Variants in CTNND2 observed in about 807,000 individuals in gnomAD.
CTNND2 encodes catenin delta 2, also known as catenin delta-2.
CTNND2 carries 22 observed loss-of-function variants against 144.4 expected under a neutral mutation model. That is an observed-to-expected ratio of 0.15 (90% CI 0.11 to 0.22). The LOEUF is 0.22. CTNND2 is among the 10% of genes least tolerant of loss of function. The pLI is 1.00. For missense variants in CTNND2, 1,353 were observed against 1,618.8 expected (o/e 0.84, Z 2.82); for synonymous variants, 751 against 695.6 (o/e 1.08, Z -1.25).
intron 1 of CTNND2, among the ~76,000 whole-genome samples, chr5:11,848,909 T>C (rs1794881549): frequency 1.3e-5 from 2 of 152,256 alleles, no homozygotes; most frequent in African/African-American, 2.4e-5. Context: ...ATTCTTCCTA[T>C]GGTTGCTCAA....
At chr5:11,524,947 A>G (rs542509225) in intron 3 of CTNND2, among the ~76,000 whole-genome samples, 1 of 152,298 alleles carries the variant, frequency 6.6e-6, no homozygotes, top group East Asian at 1.9e-4. Flanking sequence ...TCCATAGCTT[A>G]CTCACAATTC....
At chr5:11,613,731 G>A (rs1780447004) in intron 2 of CTNND2, among the ~76,000 whole-genome samples, 1 of 152,142 alleles carries the variant, frequency 6.6e-6, no homozygotes, top group African/African-American at 2.4e-5. Context: ...TTTCTTACCA[G>A]CTCTCTTACT....
At chr5:11,343,774 G>A (rs1754492447) in intron 9 of CTNND2, among the ~76,000 whole-genome samples, 1 of 152,064 alleles carries the variant, frequency 6.6e-6, no homozygotes, top group Non-Finnish European at 1.5e-5. Flanking sequence ...ATGTAAGTAA[G>A]CCTACTTTGA....
intron 1 of CTNND2, among the ~76,000 whole-genome samples, chr5:11,771,192 C>T (rs541785462): frequency 1.4e-4 from 15 of 103,758 alleles, no homozygotes; most frequent in Admixed American, 6.6e-4. Context: ...ACATTGTTAG[C>T]TTTTTTTTTT....
At chr5:11,794,608 T>C (rs1221800800) in intron 1 of CTNND2, among the ~76,000 whole-genome samples, 1 of 152,224 alleles carries the variant, frequency 6.6e-6, no homozygotes, top group African/African-American at 2.4e-5. Context: ...AACTTATACA[T>C]CTTTGTCCAC....
intron 11 of CTNND2, among the ~76,000 whole-genome samples, chr5:11,186,517 G>A (rs1467087980): frequency 2.0e-5 from 3 of 152,052 alleles, no homozygotes; most frequent in South Asian, 2.1e-4. Context: ...AGTGATAAAC[G>A]GGCCATATAT....
intron 8 of CTNND2, among the ~76,000 whole-genome samples, chr5:11,355,243 T>C (rs1205292678): frequency 6.6e-6 from 1 of 151,826 alleles, no homozygotes; most frequent in Non-Finnish European, 1.5e-5. Context: ...ACAATAAAGG[T>C]GTGTTTATTT....
At chr5:11,233,456 A>G (rs1741267381) in intron 10 of CTNND2, among the ~76,000 whole-genome samples, 1 of 152,202 alleles carries the variant, frequency 6.6e-6, no homozygotes, top group Non-Finnish European at 1.5e-5. Context: ...AATATGAATG[A>G]TGAAATGTAG....
intron 3 of CTNND2, among the ~76,000 whole-genome samples, chr5:11,486,511 A>G (rs1279200494): frequency 1.3e-5 from 2 of 152,110 alleles, no homozygotes; most frequent in Non-Finnish European, 2.9e-5. Context: ...TTTCCCCCCA[A>G]ATTCCTTATC....
chr5:11,515,774 A>C (rs902357139), intron 3 of CTNND2, among the ~76,000 whole-genome samples: 17 of 152,222 alleles, frequency 1.1e-4, no homozygotes, highest in African/African-American at 4.1e-4. Context: ...AAGGCTCAAA[A>C]ACATTATAAA....
At chr5:11,093,094 GTC>G (rs1750944594) in intron 15 of CTNND2, among the ~76,000 whole-genome samples, 1 of 152,174 alleles carries the variant, frequency 6.6e-6, no homozygotes, top group South Asian at 2.1e-4. Flanking sequence ...TAACATCCAA[GTC>G]TCTCTTTGTT....
intron 9 of CTNND2, among the ~76,000 whole-genome samples, chr5:11,278,434 C>T (rs1226009205): frequency 2.6e-5 from 4 of 152,022 alleles, no homozygotes; most frequent in Admixed American, 1.3e-4. Context: ...TTGCATGCCA[C>T]GGAGGAGGAA....
chr5:11,788,658 CTT>C (rs1790968904), intron 1 of CTNND2, among the ~76,000 whole-genome samples: 2 of 151,972 alleles, frequency 1.3e-5, no homozygotes, highest in South Asian at 4.2e-4. Context: ...CTCATGCATA[CTT>C]TGTCTTATTA....
chr5:11,666,780 A>T (rs1330302569), intron 2 of CTNND2, among the ~76,000 whole-genome samples: 1 of 151,934 alleles, frequency 6.6e-6, no homozygotes, highest in African/African-American at 2.4e-5. Context: ...TTCTTTTTTT[A>T]AAATTATACT....
At position 11,417,969 on chromosome 5, in the gene CTNND2, T is replaced by G. The variant is rs138341852; in HGVS notation, c.288-5900A>C. On this transcript the variant is annotated intron_variant, in intron 3 of 21. Transcript: ENST00000304623. ...TCATATATGAGGGGTCTTCAAAAAG[T>G]TTATGGAAAATGCATATTATGAAAA... is the stretch of plus-strand genomic sequence containing the variant. Among the ~76,000 whole-genome samples the G allele has an allele frequency of 4.7e-3, 712 of 152,126 alleles. 8 individuals are homozygous for G. Among genetic ancestry groups the G allele is most frequent in the African/African-American group, 0.016 (671 of 41,516 alleles).
intron 3 of CTNND2, among the ~76,000 whole-genome samples, chr5:11,552,369 T>C (rs1334733642): frequency 2.0e-5 from 3 of 152,220 alleles, no homozygotes; most frequent in South Asian, 2.1e-4. Context: ...CTCCCTCATA[T>C]AAAGTTCATG....
intron 3 of CTNND2, among the ~76,000 whole-genome samples, chr5:11,527,688 C>T (rs768572954): frequency 6.6e-6 from 1 of 152,188 alleles, no homozygotes; most frequent in Non-Finnish European, 1.5e-5. Flanking sequence ...CATGACACTC[C>T]TCTAAGCTGC....
chr5:11,077,154 A>G (rs1749031960), intron 16 of CTNND2, among the ~76,000 whole-genome samples: 1 of 152,184 alleles, frequency 6.6e-6, no homozygotes, highest in Non-Finnish European at 1.5e-5. Context: ...TTAAGTCCCT[A>G]CTACAGATTG....
At chr5:11,255,402 C>T (rs1382753122) in intron 9 of CTNND2, among the ~76,000 whole-genome samples, 1 of 152,194 alleles carries the variant, frequency 6.6e-6, no homozygotes. Flanking sequence ...TTTCGACAGG[C>T]AAGTGTGTGA....
Sources: allele counts gnomAD v4.1 joint callset (sites outside exome capture counted in the v4.1 genomes callset), GRCh38; gene constraint gnomAD v4.1.1; transcripts MANE v1.5; gene names NCBI Gene and HGNC (gene_info 2026-07-23, HGNC 2026-07-21).